Variants in CPVL observed in about 807,000 individuals in gnomAD.
The protein encoded by CPVL is carboxypeptidase vitellogenic like.
Under a neutral mutation model 63.7 loss-of-function variants are expected in CPVL, and 51 were observed. That is an observed-to-expected ratio of 0.80 (90% CI 0.64 to 1.01). CPVL has a LOEUF of 1.01. Ranked by LOEUF, CPVL falls within the 50% of genes least tolerant of loss-of-function variation. CPVL has a pLI of 0.00. For synonymous variants in CPVL, 195 were observed against 206.0 expected, an observed-to-expected ratio of 0.95 and a Z score of 0.46; for missense variants, 530 against 573.1, an observed-to-expected ratio of 0.92 and a Z score of 0.77.
chr7:29,010,778 T>C (rs962804383), intron 12 of CPVL: 2 of 152,240 alleles, frequency 1.3e-5, no homozygotes, highest in Non-Finnish European at 2.9e-5. Context: ...ATTTATTTTA[T>C]GCTTATTAGG....
intron 9 of CPVL, 39 bp from the exon 10 acceptor site, chr7:29,066,160 A>C: frequency 1.9e-5 from 20 of 1,034,656 alleles, no homozygotes; most frequent in East Asian, 4.8e-5. Flanking sequence ...AAAGAAAGAA[A>C]ACATCAGTGT....
intron 1 of CPVL, among the ~76,000 whole-genome samples, chr7:29,125,935 C>T (rs971405640): frequency 1.3e-5 from 2 of 152,210 alleles, no homozygotes; most frequent in East Asian, 1.9e-4. Context: ...CTTGGTAAGA[C>T]AGTAACTTCT....
At chr7:29,061,361 C>T (rs34702707) in intron 11 of CPVL, among the ~76,000 whole-genome samples, 185 of 152,062 alleles carry the variant, frequency 1.2e-3, no homozygotes, top group African/African-American at 4.2e-3. Context: ...TGCAGTGAGC[C>T]GAGATCGTGC....
Position 29,120,903 on chromosome 7 carries a change from CT to C in CPVL, c.158del (p.Lys53ArgfsTer8). The C allele has an allele frequency of 1.3e-6, 2 of 1,599,482 alleles. No homozygotes were observed. Among genetic ancestry groups the C allele is most frequent in the Non-Finnish European group, 1.7e-6 (2 of 1,172,326 alleles). ...LFLTPYIEAG[K>X]IQKGRELSLV... ...ATTAAACTTACTTACCTTTTTGGAT[CT>C]TCCCAGCTTCAATGTAAGGGGTGAG... On this transcript the variant is annotated frameshift_variant, in exon 2 of 13. Coordinates refer to ENST00000265394, the MANE Select transcript of CPVL (RefSeq NM_031311.5).
chr7:29,032,091 G>A (rs542556571), intron 11 of CPVL, among the ~76,000 whole-genome samples: 1 of 152,148 alleles, frequency 6.6e-6, no homozygotes, highest in African/African-American at 2.4e-5. Flanking sequence ...TCAACTCCAT[G>A]CTACTTTTGA....
At chr7:29,066,690 T>A (rs1783166264) in intron 9 of CPVL, among the ~76,000 whole-genome samples, 1 of 152,136 alleles carries the variant, frequency 6.6e-6, no homozygotes, top group Admixed American at 6.5e-5. Context: ...GCTCACCAGA[T>A]GACATGGAGA....
At chr7:29,152,708 T>C (rs1305154420) in intron 5 of CPVL, among the ~76,000 whole-genome samples, 1 of 152,244 alleles carries the variant, frequency 6.6e-6, no homozygotes, top group Non-Finnish European at 1.5e-5. Flanking sequence ...AATTCTGGGC[T>C]CTTTTGCTCT....
intron 11 of CPVL, among the ~76,000 whole-genome samples, chr7:29,057,508 C>A (rs113366707): frequency 5.1e-4 from 77 of 152,296 alleles, no homozygotes; most frequent in African/African-American, 1.8e-3. Context: ...TTAATGATGT[C>A]CAGCTTCTCA....
intron 3 of CPVL, among the ~76,000 whole-genome samples, chr7:29,107,435 G>A (rs1584281755): frequency 1.3e-5 from 2 of 152,330 alleles, no homozygotes; most frequent in East Asian, 3.9e-4. Flanking sequence ...CTGGGATGGA[G>A]CCTTAGCAAT....
intron 12 of CPVL, among the ~76,000 whole-genome samples, chr7:29,005,319 AGAAGT>A (rs1463891805): frequency 6.6e-6 from 1 of 152,186 alleles, no homozygotes; most frequent in Non-Finnish European, 1.5e-5. Context: ...TTTCCCTTTA[AGAAGT>A]GAAGAGGAGA....
chr7:29,132,655 C>A (rs1222190220), intron 1 of CPVL, among the ~76,000 whole-genome samples: 2 of 152,144 alleles, frequency 1.3e-5, no homozygotes, highest in Non-Finnish European at 2.9e-5. Flanking sequence ...TCCAGCCCAG[C>A]CTCCCTCGTT....
intron 5 of CPVL, among the ~76,000 whole-genome samples, chr7:29,171,297 G>A (rs372175889): frequency 1.3e-5 from 2 of 152,108 alleles, no homozygotes; most frequent in East Asian, 1.9e-4. Flanking sequence ...AACACCCAGG[G>A]GATTTCACAG....
At chr7:29,066,390 G>A (rs1783141348) in intron 9 of CPVL, among the ~76,000 whole-genome samples, 1 of 152,124 alleles carries the variant, frequency 6.6e-6, no homozygotes, top group African/African-American at 2.4e-5. Context: ...TATATCATAT[G>A]GTAGACAGTG....
chr7:29,163,236 C>T (rs147181216), intron 5 of CPVL, among the ~76,000 whole-genome samples: 6 of 152,090 alleles, frequency 3.9e-5, no homozygotes, highest in Admixed American at 2.6e-4. Context: ...AAATCTAAGA[C>T]GTGCTACAAG....
intron 6 of CPVL, among the ~76,000 whole-genome samples, chr7:29,091,647 G>C (rs554196013): frequency 1.8e-4 from 27 of 152,052 alleles, no homozygotes; most frequent in Non-Finnish European, 3.5e-4. Context: ...AAACTGAATA[G>C]AAGTGATCGA....
intron 5 of CPVL, among the ~76,000 whole-genome samples, chr7:29,177,044 T>C (rs577558745): frequency 5.4e-4 from 82 of 152,258 alleles, no homozygotes; most frequent in African/African-American, 1.7e-3. Context: ...AAAATATAGA[T>C]GGAAGAGGCA....
intron 3 of CPVL, 43 bp downstream of exon 3, chr7:29,112,661 A>G (rs1460007771): frequency 1.5e-6 from 2 of 1,320,974 alleles, no homozygotes; most frequent in South Asian, 2.4e-5. Context: ...TCAAACGGCA[A>G]GCCAGGTCTT....
At chr7:29,068,196 T>C (rs1783331219) in intron 9 of CPVL, among the ~76,000 whole-genome samples, 1 of 151,874 alleles carries the variant, frequency 6.6e-6, no homozygotes, top group African/African-American at 2.4e-5. Context: ...TGTGTATTTT[T>C]AATAGAGACG....
At chr7:29,030,292 A>G (rs1787898534) in intron 12 of CPVL, among the ~76,000 whole-genome samples, 1 of 152,198 alleles carries the variant, frequency 6.6e-6, no homozygotes, top group Admixed American at 6.5e-5. Flanking sequence ...ATAGACTGCA[A>G]TTCTCTCATT....
Sources: allele counts gnomAD v4.1 joint callset (sites outside exome capture counted in the v4.1 genomes callset), GRCh38; gene constraint gnomAD v4.1.1; transcripts MANE v1.5; gene names NCBI Gene and HGNC (gene_info 2026-07-23, HGNC 2026-07-21).